The following XIRP2 variants were observed in gnomAD, a reference collection of about 807,000 sequenced individuals.
The protein encoded by XIRP2 is xin actin-binding repeat-containing protein 2.
XIRP2 carries 236 observed loss-of-function variants against 277.0 expected under a neutral mutation model. The observed-to-expected ratio is 0.85, with a 90% confidence interval of 0.77 to 0.95. XIRP2 has a LOEUF of 0.95. Among genes scored for constraint, XIRP2 ranks in the 40% least tolerant of loss-of-function variants. The pLI is 0.00. For synonymous variants in XIRP2, 1,490 were observed against 1,416.5 expected (o/e 1.05, Z -1.17); for missense variants, 4,640 against 4,157.5 (o/e 1.12, Z -3.19).
intron 2 of XIRP2, among the ~76,000 whole-genome samples, chr2:166,951,112 C>T (rs563535921): frequency 1.3e-5 from 2 of 152,100 alleles, no homozygotes; most frequent in East Asian, 1.9e-4. Flanking sequence ...CCAAGAATTG[C>T]GAGTTATTAT....
chr2:167,226,239 C>T (rs1694597562), intron 5 of XIRP2, among the ~76,000 whole-genome samples: 1 of 152,160 alleles, frequency 6.6e-6, no homozygotes, highest in Non-Finnish European at 1.5e-5. Flanking sequence ...ATTATCTTTG[C>T]CATGCTCATA....
chr2:167,230,777 C>T (rs1694725859), intron 5 of XIRP2, among the ~76,000 whole-genome samples: 1 of 152,108 alleles, frequency 6.6e-6, no homozygotes, highest in South Asian at 2.1e-4. Flanking sequence ...CTTTACTTTT[C>T]CTGAGACTTA....
At chr2:167,224,894 A>C (rs536292420) in intron 5 of XIRP2, among the ~76,000 whole-genome samples, 1 of 152,262 alleles carries the variant, frequency 6.6e-6, no homozygotes, top group South Asian at 2.1e-4. Flanking sequence ...GTTTTTTAGG[A>C]GCTCCATTAT....
At position 167,136,050 on chromosome 2, in the gene XIRP2, C is replaced by A. The variant is rs369322473; in HGVS notation, c.550C>A (p.Arg184Ser). 1.2e-6 allele frequency: 2 copies of A among 1,602,158 alleles called. No homozygotes were observed. The highest frequency in any genetic ancestry group is 1.7e-6 in the Non-Finnish European group (2 of 1,175,348). Residue 184 changes from arginine to serine, a missense_variant, in exon 3 of 11, where the codon CGC becomes AGC. By Grantham distance (110) the Arg-to-Ser change is moderately radical. Transcript: ENST00000409195. Reference protein sequence around the residue: ...DKMSPESGHSRIFEATAGPNK... With the variant: ...DKMSPESGHSSIFEATAGPNK... ...GATGTCACCTGAAAGTGGTCACAGCCGCATCTTTGAAGGTTAGCATAACAT... is the reference window on the plus strand; with the variant it reads ...GATGTCACCTGAAAGTGGTCACAGCAGCATCTTTGAAGGTTAGCATAACAT...
Position 167,210,883 on chromosome 2 carries a change from C to A in XIRP2, c.711C>A (p.Ser237Arg). Reference protein sequence around the residue: ...QAAVSRGDCRSFSANMMEESE... With the variant: ...QAAVSRGDCRRFSANMMEESE... Reference sequence around the variant, plus strand: ...CTGTTTCCAGGGGTGACTGCCGCAGCTTCTCTGCTAATGTAAGCTGCTCCT... The same window carrying A: ...CTGTTTCCAGGGGTGACTGCCGCAGATTCTCTGCTAATGTAAGCTGCTCCT... Residue 237 changes from serine (S) to arginine (R), a missense_variant, in exon 4 of 11, where the codon AGC (serine) becomes AGA (arginine). By Grantham distance (110) the Ser-to-Arg change is moderately radical. Coordinates refer to ENST00000409195, the MANE Select transcript of XIRP2 (RefSeq NM_152381.6). 1 of 1,614,074 alleles carries A rather than the reference C, an allele frequency of 6.2e-7. No individual in the cohort carries two copies. Among genetic ancestry groups the A allele is most frequent in the Non-Finnish European group, 8.5e-7 (1 of 1,179,978 alleles).
intron 3 of XIRP2, among the ~76,000 whole-genome samples, chr2:167,203,925 T>C (rs1693789293): frequency 6.6e-6 from 1 of 152,210 alleles, no homozygotes; most frequent in Non-Finnish European, 1.5e-5. Context: ...TTGACAGAAT[T>C]TAGTTTATCA....
chr2:167,121,339 C>A (rs1159869806), intron 2 of XIRP2, among the ~76,000 whole-genome samples: 1 of 152,034 alleles, frequency 6.6e-6, no homozygotes, highest in Non-Finnish European at 1.5e-5. Context: ...ATTTTTAGAT[C>A]ATTCATGCCA....
chr2:167,106,940 T>C (rs1690633415), intron 2 of XIRP2, among the ~76,000 whole-genome samples: 1 of 151,166 alleles, frequency 6.6e-6, no homozygotes, highest in African/African-American at 2.4e-5. Flanking sequence ...AATGATATTG[T>C]ATTATTAATT....
At chr2:167,163,045 G>C (rs1252729061) in intron 3 of XIRP2, among the ~76,000 whole-genome samples, 1 of 152,082 alleles carries the variant, frequency 6.6e-6, no homozygotes, top group Non-Finnish European at 1.5e-5. Context: ...ATTCCATTAT[G>C]TGAACAATTG....
chr2:166,984,678 G>T (rs1029394801), intron 2 of XIRP2, among the ~76,000 whole-genome samples: 2 of 152,106 alleles, frequency 1.3e-5, no homozygotes, highest in East Asian at 3.9e-4. Flanking sequence ...ATATATTAGG[G>T]AACTCTTGTT....
chr2:166,943,062 A>G (rs542936854), intron 2 of XIRP2, among the ~76,000 whole-genome samples: 1 of 152,300 alleles, frequency 6.6e-6, no homozygotes, highest in African/African-American at 2.4e-5. Context: ...CCTATCAGAT[A>G]GGACAATTAA....
At chr2:166,947,961 T>C in intron 2 of XIRP2, among the ~76,000 whole-genome samples, 1 of 152,080 alleles carries the variant, frequency 6.6e-6, no homozygotes, top group Non-Finnish European at 1.5e-5. Context: ...AGACATATCA[T>C]TAAGTGAAAG....
Position 167,244,947 on chromosome 2 carries a change from CA to C in XIRP2, c.3557del (p.Lys1186SerfsTer15), listed in dbSNP as rs750286793. ...SIQGEEVKEIKPVEMDIQAGD... is the reference protein window; with the variant it reads ...SIQGEEVKEIXPVEMDIQAGD... ...TACAAGGAGAAGAAGTGAAGGAAAT[CA>C]AGCCTGTTGAAATGGATATACAAGC... On this transcript the variant is annotated frameshift_variant, in exon 9 of 11. Coordinates refer to ENST00000409195, the MANE Select transcript of XIRP2 (RefSeq NM_152381.6). LOFTEE classifies it high-confidence loss of function. 3.1e-6 allele frequency: 5 copies of C among 1,612,386 alleles called. No homozygotes were observed. Among genetic ancestry groups the C allele is most frequent in the Non-Finnish European group, 4.2e-6 (5 of 1,179,464 alleles).
At chr2:167,033,579 A>C (rs920231625) in intron 2 of XIRP2, among the ~76,000 whole-genome samples, 2 of 152,176 alleles carry the variant, frequency 1.3e-5, no homozygotes, top group African/African-American at 2.4e-5. Context: ...TTAATAATCA[A>C]ACTTCCAAAG....
intron 3 of XIRP2, among the ~76,000 whole-genome samples, chr2:167,137,141 G>C (rs1186399405): frequency 1.3e-5 from 2 of 152,168 alleles, no homozygotes; most frequent in African/African-American, 4.8e-5. Flanking sequence ...ATATGGTTCA[G>C]CCCATTCTGA....
chr2:166,949,484 G>A (rs2105393690), intron 2 of XIRP2, among the ~76,000 whole-genome samples: 1 of 152,150 alleles, frequency 6.6e-6, no homozygotes, highest in African/African-American at 2.4e-5. Context: ...GCAGCTACAA[G>A]GTGGGGCTAC....
chr2:166,952,237 G>A (rs949362330), intron 2 of XIRP2, among the ~76,000 whole-genome samples: 23 of 151,908 alleles, frequency 1.5e-4, no homozygotes, highest in Admixed American at 3.9e-4. Flanking sequence ...AGCTACATTC[G>A]TCCGGTGGAT....
At chr2:166,995,357 G>T (rs901656940) in intron 2 of XIRP2, among the ~76,000 whole-genome samples, 1 of 152,132 alleles carries the variant, frequency 6.6e-6, no homozygotes, top group Non-Finnish European at 1.5e-5. Context: ...TCTAAGTGAT[G>T]CTTTAAGTGG....
intron 1 of XIRP2, among the ~76,000 whole-genome samples, chr2:166,892,518 T>C (rs2105325834): frequency 6.6e-6 from 1 of 152,260 alleles, no homozygotes; most frequent in East Asian, 1.9e-4. Context: ...GTTTTCAGAA[T>C]TTCAAAGCCA....
Sources: gnomAD v4.1 joint callset for allele counts (sites outside exome capture counted in the v4.1 genomes callset) on GRCh38, gnomAD v4.1.1 for gene constraint, MANE v1.5 for transcripts, NCBI Gene and HGNC (gene_info 2026-07-23, HGNC 2026-07-21) for gene names.